BCAP31: variants seen among roughly 807,000 people sequenced by gnomAD.
The protein encoded by BCAP31 is B cell receptor associated protein 31.
For synonymous variants in BCAP31, 75 were observed against 80.9 expected (o/e 0.93, Z 0.39); for missense variants, 124 against 193.0 (o/e 0.64, Z 2.12).
At chrX:153,712,394 C>A (rs1557049311) in intron 4 of BCAP31, among the ~76,000 whole-genome samples, 2 of 89,826 alleles carry the variant, frequency 2.2e-5, no homozygotes, top group Non-Finnish European at 4.3e-5. Context: ...TGGAGCGAGA[C>A]CTTGTCTCAA....
At chrX:153,717,953 T>C (rs1308262536) in intron 3 of BCAP31, among the ~76,000 whole-genome samples, 1 of 112,284 alleles carries the variant, frequency 8.9e-6, no homozygotes, top group Non-Finnish European at 1.9e-5. Context: ...AAGATGCTTA[T>C]AAAGAATGGA....
chrX:153,717,056 A>G (rs782697262), intron 3 of BCAP31, among the ~76,000 whole-genome samples: 1 of 112,320 alleles, frequency 8.9e-6, no homozygotes, highest in Non-Finnish European at 1.9e-5. Flanking sequence ...CGTAATAGAC[A>G]TCCATCTCTG....
chrX:153,723,442 C>T, intron 1 of BCAP31, 154 bp from the exon 2 acceptor site: 14 of 1,135,621 alleles, frequency 1.2e-5, no homozygotes, highest in Non-Finnish European at 1.6e-5. Flanking sequence ...CAGGGCTCCA[C>T]TCGGCAGGGC....
intron 4 of BCAP31, among the ~76,000 whole-genome samples, chrX:153,706,853 A>G (rs6643772): frequency 0.26 from 28,265 of 110,822 alleles, 4,806 homozygotes; most frequent in African/African-American, 0.62. Flanking sequence ...AAACATGCCC[A>G]CCATCATCCC....
chrX:153,705,643 G>A (rs781950376), intron 4 of BCAP31, among the ~76,000 whole-genome samples: 5 of 112,550 alleles, frequency 4.4e-5, no homozygotes, highest in Admixed American at 9.3e-5. Flanking sequence ...GACTCACATC[G>A]GCATGGCCAG....
chrX:153,712,408 AAAT>A (rs553598367), intron 4 of BCAP31, among the ~76,000 whole-genome samples: 6 of 1,563 alleles, frequency 3.8e-3, no homozygotes, highest in Non-Finnish European at 4.5e-3. Context: ...GTCTCAAAAA[AAAT>A]AAATAAATAA....
intron 4 of BCAP31, among the ~76,000 whole-genome samples, chrX:153,715,245 C>T (rs1557049870): frequency 8.9e-6 from 1 of 111,970 alleles, no homozygotes; most frequent in African/African-American, 3.2e-5. Context: ...AAGGCCTTAC[C>T]GTTACATCTC....
intron 4 of BCAP31, among the ~76,000 whole-genome samples, chrX:153,708,623 G>GA (rs782502596): frequency 4.4e-5 from 5 of 112,542 alleles, no homozygotes; most frequent in Non-Finnish European, 7.5e-5. Context: ...AGCTGTGGAA[G>GA]AAAAAAAATG....
rs2091522890 is a variant in BCAP31 at position 153,702,176 on chromosome X, T to A, written c.602-69A>T. On this transcript the variant is annotated intron_variant, in intron 6 of 7. Transcript: ENST00000345046. Reference sequence around the variant, plus strand: ...AGGAATTAGGGGGAAAAAACCCGACTGCTACAGACACCAGAAACTGGCCCA... The same window carrying A: ...AGGAATTAGGGGGAAAAAACCCGACAGCTACAGACACCAGAAACTGGCCCA... 6 of 935,407 alleles carry A rather than the reference T, an allele frequency of 6.4e-6. No individual in the cohort carries two copies. In the Admixed American group the frequency reaches 1.3e-4, roughly 20 times the overall value. 77.1% of individuals were successfully genotyped at this position (935,407 alleles called of 1,213,427 possible). A position where few individuals can be genotyped will look rare whatever the true frequency, so the allele number is the denominator to read the frequency against.
Position 153,703,071 on chromosome X carries a change from C to T in BCAP31, c.478-13G>A, listed in dbSNP as rs1603222421. The T allele has an allele frequency of 8.3e-7, 1 of 1,208,509 alleles. No individual in the cohort carries two copies. Among genetic ancestry groups the T allele is most frequent in the East Asian group, 3.0e-5 (1 of 33,828 alleles). ...CAACAGCAGCTCCCTGGGAAAAGTG[C>T]CAAAGGCCAGGGTTACTCAGGAGGG... On this transcript the variant is annotated splice_polypyrimidine_tract_variant and intron_variant, in intron 5 of 7. Transcript: ENST00000345046.
At chrX:153,710,272 G>A (rs2091582178) in intron 4 of BCAP31, among the ~76,000 whole-genome samples, 1 of 111,592 alleles carries the variant, frequency 9.0e-6, no homozygotes, top group Admixed American at 9.4e-5. Context: ...GTGGCAGGGA[G>A]CCCGCTTGGT....
chrX:153,708,429 GC>G (rs1195415836), intron 4 of BCAP31, among the ~76,000 whole-genome samples: 4 of 112,455 alleles, frequency 3.6e-5, no homozygotes, highest in African/African-American at 6.5e-5. Flanking sequence ...GCCACCCCCG[GC>G]CCGCCCTGCT....
At chrX:153,714,906 G>C (rs2266872) in intron 4 of BCAP31, among the ~76,000 whole-genome samples, 2 of 111,407 alleles carry the variant, frequency 1.8e-5, no homozygotes, top group Non-Finnish European at 3.8e-5. Flanking sequence ...TGATCAGAAC[G>C]GCTATGTGAA....
intron 4 of BCAP31, among the ~76,000 whole-genome samples, chrX:153,709,808 G>C (rs782316949): frequency 8.8e-6 from 1 of 113,179 alleles, no homozygotes; most frequent in Non-Finnish European, 1.9e-5. Flanking sequence ...ATGTTTCAGC[G>C]CCCTTCATAT....
chrX:153,708,364 G>A (rs782332818), intron 4 of BCAP31, among the ~76,000 whole-genome samples: 3 of 112,449 alleles, frequency 2.7e-5, no homozygotes, highest in Non-Finnish European at 5.6e-5. Flanking sequence ...AGAGGACACG[G>A]GCTTAATAGG....
intron 4 of BCAP31, among the ~76,000 whole-genome samples, chrX:153,714,984 A>G (rs1290626495): frequency 9.0e-6 from 1 of 111,667 alleles, no homozygotes; most frequent in African/African-American, 3.3e-5. Context: ...TTGCCCGACT[A>G]GTTACCCTTA....
rs2091622205 is a variant in BCAP31 at position 153,715,686 on chromosome X, G to A, written c.197C>T (p.Ala66Val). 9 of 1,211,415 alleles carry A rather than the reference G, an allele frequency of 7.4e-6. No individual in the cohort carries two copies. The highest frequency in any genetic ancestry group is 1.0e-5 in the Non-Finnish European group (9 of 895,193). The part of the protein sequence containing the change: ...IVILVLLVID[A>V]VREIRKYDDV... ...ATCATACTTCCGAATTTCGCGCACG[G>A]CATCTGTGGTGGAGCAGAGAGGAGA... The change falls in exon 4 of 8, where the codon GCC becomes GTC. Residue 66 changes from alanine to valine, a missense_variant. By Grantham distance (64) the Ala-to-Val change is moderately conservative (BLOSUM62 0). Coordinates refer to ENST00000345046, the MANE Select transcript of BCAP31 (RefSeq NM_001256447.2).
intron 4 of BCAP31, chrX:153,704,870 G>A (rs1447919528): frequency 8.9e-6 from 1 of 112,071 alleles, no homozygotes; most frequent in Non-Finnish European, 1.9e-5. Context: ...TCAGGACACA[G>A]GCGCAGGCTG....
intron 3 of BCAP31, among the ~76,000 whole-genome samples, chrX:153,716,339 G>A (rs782517078): frequency 1.3e-4 from 14 of 109,150 alleles, no homozygotes; most frequent in Non-Finnish European, 2.5e-4. Context: ...TACCCTCACC[G>A]CGTCTTGTTC....
Sources: gnomAD v4.1 joint callset for allele counts (sites outside exome capture counted in the v4.1 genomes callset) on GRCh38, gnomAD v4.1.1 for gene constraint, MANE v1.5 for transcripts, NCBI Gene and HGNC (gene_info 2026-07-23, HGNC 2026-07-21) for gene names.